MAP4K4: variants seen among roughly 807,000 people sequenced by gnomAD.
MAP4K4 encodes HPK/GCK-like kinase HGK.
Under a neutral mutation model 189.6 loss-of-function variants are expected in MAP4K4, and 38 were observed. The observed-to-expected ratio is 0.20, with a 90% CI of 0.15 to 0.26. MAP4K4 has a LOEUF of 0.26. Ranked by LOEUF, MAP4K4 falls within the 10% of genes least tolerant of loss-of-function variation. The probability of loss-of-function intolerance (pLI) is 1.00; values close to 1 mark genes in which losing one functional copy is unlikely to be tolerated. For synonymous variants in MAP4K4, 610 were observed against 624.3 expected (o/e 0.98, Z 0.34); for missense variants, 1,054 against 1,726.9 (o/e 0.61, Z 6.91).
chr2:101,852,602 A>G (rs1351839018), intron 12 of MAP4K4, among the ~76,000 whole-genome samples: 1 of 152,116 alleles, frequency 6.6e-6, no homozygotes, highest in Non-Finnish European at 1.5e-5. Flanking sequence ...TGTTTGTAAG[A>G]TGTTGTTTGC....
At chr2:101,878,280 G>C (rs193269017) in intron 27 of MAP4K4, among the ~76,000 whole-genome samples, 1 of 152,132 alleles carries the variant, frequency 6.6e-6, no homozygotes, top group Non-Finnish European at 1.5e-5. Flanking sequence ...ATAGGATAAT[G>C]GCACCCAAGT....
At chr2:101,755,299 T>G (rs1024968655) in intron 2 of MAP4K4, among the ~76,000 whole-genome samples, 1 of 152,122 alleles carries the variant, frequency 6.6e-6, no homozygotes, top group East Asian at 1.9e-4. Flanking sequence ...TTGTCTGTTA[T>G]GCAGAGTCCG....
rs145509800 is a variant in MAP4K4, at chr2:101,721,967, C to T, written c.123+23429C>T. Among the ~76,000 whole-genome samples the T allele has an allele frequency of 5.3e-5, 8 of 152,270 alleles. No homozygotes were observed. In the East Asian group the frequency reaches 1.5e-3, roughly 29 times the overall value. On this transcript the variant is annotated intron_variant, in intron 2 of 32. Coordinates refer to ENST00000324219, the Ensembl canonical transcript of MAP4K4. ...AGCAACTTCTTTGGCTAGTTGTATTCCCTAACTCCTGCTGCAGCTGATGAA... is the reference window on the plus strand; with the variant it reads ...AGCAACTTCTTTGGCTAGTTGTATTTCCTAACTCCTGCTGCAGCTGATGAA...
intron 21 of MAP4K4, among the ~76,000 whole-genome samples, 156 bp from the exon 22 acceptor site, chr2:101,869,466 A>G (rs1030647609): frequency 6.9e-6 from 1 of 145,694 alleles, no homozygotes; most frequent in Non-Finnish European, 1.5e-5. Context: ...GGTCTTTTCT[A>G]TCAAAAGCCA....
intron 3 of MAP4K4, chr2:101,797,226 C>T (rs1246927160): frequency 7.8e-7 from 1 of 1,289,260 alleles, no homozygotes; most frequent in South Asian, 1.2e-5. Flanking sequence ...CCTGTGGGAC[C>T]TATTGTTCTA....
chr2:101,790,666 T>C (rs2092713718), intron 2 of MAP4K4, 54 bp from the exon 3 acceptor site: 6 of 1,311,038 alleles, frequency 4.6e-6, no homozygotes, highest in Non-Finnish European at 6.5e-6. Flanking sequence ...TTTGTTCTAA[T>C]GATTGTGCAA....
chr2:101,837,521 G>C (rs2096793658), intron 9 of MAP4K4, among the ~76,000 whole-genome samples: 1 of 152,044 alleles, frequency 6.6e-6, no homozygotes, highest in African/African-American at 2.4e-5. Flanking sequence ...AGAGTTGTAA[G>C]GATTTTAACC....
chr2:101,711,841 A>G (rs1044261929), intron 2 of MAP4K4, among the ~76,000 whole-genome samples: 11 of 152,052 alleles, frequency 7.2e-5, no homozygotes, highest in East Asian at 3.9e-4. Flanking sequence ...TCTTATTGTT[A>G]TATGAAAAAA....
intron 24 of MAP4K4, among the ~76,000 whole-genome samples, chr2:101,872,536 T>C (rs1052456281): frequency 5.3e-5 from 8 of 152,170 alleles, no homozygotes; most frequent in Non-Finnish European, 8.8e-5. Context: ...ACAGAAGATT[T>C]GGTTTAAGTG....
At chr2:101,779,809 CT>C (rs34853403) in intron 2 of MAP4K4, among the ~76,000 whole-genome samples, 12,222 of 143,532 alleles carry the variant, frequency 0.085, 1,107 homozygotes, top group African/African-American at 0.23. Flanking sequence ...TTTCACCTCT[CT>C]TTTTTTTTTT....
chr2:101,771,910 A>T (rs1349987716), intron 2 of MAP4K4, among the ~76,000 whole-genome samples: 1 of 152,214 alleles, frequency 6.6e-6, no homozygotes, highest in Non-Finnish European at 1.5e-5. Flanking sequence ...CAATAGCTTG[A>T]TGACTGGTGA....
chr2:101,733,945 C>T (rs1349958099), intron 2 of MAP4K4, among the ~76,000 whole-genome samples: 1 of 152,210 alleles, frequency 6.6e-6, no homozygotes, highest in African/African-American at 2.4e-5. Context: ...CCACAGCAGT[C>T]CTGACCTCAG....
intron 2 of MAP4K4, among the ~76,000 whole-genome samples, chr2:101,733,368 A>G (rs1478763735): frequency 6.6e-6 from 1 of 152,220 alleles, no homozygotes; most frequent in Admixed American, 6.5e-5. Flanking sequence ...AGGTCAGCCA[A>G]TCCATTAGCT....
At chr2:101,776,126 G>C (rs995110314) in intron 2 of MAP4K4, among the ~76,000 whole-genome samples, 9 of 152,138 alleles carry the variant, frequency 5.9e-5, no homozygotes, top group African/African-American at 1.2e-4. Context: ...CAGTTACTCT[G>C]AATTATTTAG....
intron 2 of MAP4K4, among the ~76,000 whole-genome samples, chr2:101,719,730 G>T (rs1277450154): frequency 2.0e-5 from 3 of 152,052 alleles, no homozygotes; most frequent in African/African-American, 7.2e-5. Context: ...TCAAAAAGGG[G>T]GCCAGGCGTG....
chr2:101,850,597 A>T (rs2097254439), intron 12 of MAP4K4, among the ~76,000 whole-genome samples: 1 of 152,154 alleles, frequency 6.6e-6, no homozygotes, highest in Admixed American at 6.5e-5. Context: ...TACCTTTCTT[A>T]AAAAAATAGT....
chr2:101,732,196 C>T (rs1277878186), intron 2 of MAP4K4, among the ~76,000 whole-genome samples: 1 of 152,128 alleles, frequency 6.6e-6, no homozygotes, highest in African/African-American at 2.4e-5. Context: ...TACCATGGCC[C>T]TGGGGCTGAA....
At chr2:101,752,475 C>T (rs2069595030) in intron 2 of MAP4K4, among the ~76,000 whole-genome samples, 1 of 152,132 alleles carries the variant, frequency 6.6e-6, no homozygotes, top group African/African-American at 2.4e-5. Context: ...TCTGCATTTT[C>T]TCATATCCTT....
At chr2:101,744,992 C>T (rs146215323) in intron 2 of MAP4K4, among the ~76,000 whole-genome samples, 1,630 of 152,164 alleles carry the variant, frequency 0.011, 17 homozygotes, top group Middle Eastern at 0.041. Context: ...TTTAATTTCA[C>T]TTTGTTGATG....
Sources: gnomAD v4.1 joint callset for allele counts (sites outside exome capture counted in the v4.1 genomes callset) on GRCh38, gnomAD v4.1.1 for gene constraint, MANE v1.5 for transcripts, NCBI Gene and HGNC (gene_info 2026-07-23, HGNC 2026-07-21) for gene names.